PLD5: variants seen among roughly 807,000 people sequenced by gnomAD.
PLD5 encodes inactive phospholipase D5.
In PLD5, 36 loss-of-function variants were observed where a neutral mutation model predicts 61.1. That is an observed-to-expected ratio of 0.59 (90% confidence interval 0.45 to 0.78). The LOEUF (loss-of-function observed/expected upper bound fraction) is 0.78. Ranked by LOEUF, PLD5 falls within the 30% of genes least tolerant of loss-of-function variation. PLD5 has a pLI of 0.00. For missense variants in PLD5, 515 were observed against 644.4 expected, an observed-to-expected ratio of 0.80 and a Z score of 2.17; for synonymous variants, 243 against 242.8, an observed-to-expected ratio of 1.00 and a Z score of -0.01.
intron 1 of PLD5, among the ~76,000 whole-genome samples, chr1:242,453,632 A>G (rs1666856653): frequency 1.3e-5 from 2 of 152,140 alleles, no homozygotes; most frequent in Non-Finnish European, 2.9e-5. Flanking sequence ...GGTAGTCCCT[A>G]GAGATTGGAA....
At chr1:242,322,732 C>T (rs1420959704) in intron 2 of PLD5, among the ~76,000 whole-genome samples, 3 of 152,164 alleles carry the variant, frequency 2.0e-5, no homozygotes, top group Non-Finnish European at 4.4e-5. Flanking sequence ...TCTCCTGCTG[C>T]CATGTAAGAC....
At chr1:242,094,889 G>C (rs1216218242) in intron 9 of PLD5, among the ~76,000 whole-genome samples, 2 of 151,904 alleles carry the variant, frequency 1.3e-5, no homozygotes, top group African/African-American at 4.8e-5. Flanking sequence ...GTCAGTGCTG[G>C]AATTCAAATA....
chr1:242,239,443 A>G (rs1671852706), intron 4 of PLD5, among the ~76,000 whole-genome samples: 1 of 152,212 alleles, frequency 6.6e-6, no homozygotes, highest in Non-Finnish European at 1.5e-5. Flanking sequence ...GCTTTATTTT[A>G]TAACCATCGG....
chr1:242,451,683 C>T (rs1666784712), intron 1 of PLD5, among the ~76,000 whole-genome samples: 1 of 152,030 alleles, frequency 6.6e-6, no homozygotes, highest in Non-Finnish European at 1.5e-5. Flanking sequence ...TGGTCTCGAA[C>T]TCCTGAGCTC....
intron 5 of PLD5, among the ~76,000 whole-genome samples, chr1:242,179,098 T>C (rs1425740535): frequency 1.3e-5 from 2 of 152,220 alleles, no homozygotes; most frequent in African/African-American, 4.8e-5. Flanking sequence ...GAGCCACTCA[T>C]GCAGAGCAAT....
At chr1:242,426,429 T>C (rs1183472542) in intron 1 of PLD5, among the ~76,000 whole-genome samples, 2 of 152,242 alleles carry the variant, frequency 1.3e-5, no homozygotes, top group East Asian at 1.9e-4. Flanking sequence ...TCAAGTATTA[T>C]GCCCTGCATG....
intron 1 of PLD5, among the ~76,000 whole-genome samples, chr1:242,353,304 C>A (rs1660578566): frequency 6.6e-6 from 1 of 152,002 alleles, no homozygotes; most frequent in African/African-American, 2.4e-5. Flanking sequence ...TTCTTAGCAC[C>A]TTTGTCAAAA....
chr1:242,243,011 G>A (rs116929622), intron 4 of PLD5, among the ~76,000 whole-genome samples: 5 of 152,232 alleles, frequency 3.3e-5, no homozygotes, highest in East Asian at 3.9e-4. Context: ...GTAAGGAATC[G>A]ACATAAATGT....
At chr1:242,446,464 A>G (rs1666543528) in intron 1 of PLD5, among the ~76,000 whole-genome samples, 1 of 152,174 alleles carries the variant, frequency 6.6e-6, no homozygotes, top group Admixed American at 6.5e-5. Context: ...CCGGCTACTC[A>G]GGAGGCTGAG....
rs1306516105 is a variant in PLD5 at position 242,160,812 on chromosome 1, G to GAGAT, written c.736-36151_736-36148dup. 5.3e-5 allele frequency among the ~76,000 whole-genome samples: 8 copies of GAGAT among 152,046 alleles called. 1 individual carries two copies. Among genetic ancestry groups the GAGAT allele is most frequent in the Non-Finnish European group, 8.8e-5 (6 of 68,016 alleles). On this transcript the variant is annotated intron_variant, in intron 5 of 9. Coordinates refer to ENST00000536534, the MANE Select transcript of PLD5 (RefSeq NM_001372062.1). Reference sequence around the variant, plus strand: ...AGGCAGGAGAATTGCTTGAATCCGGGAGATGGAGGTTGCAGTGAGCTTTGA... The same window carrying GAGAT: ...AGGCAGGAGAATTGCTTGAATCCGGGAGATAGATGGAGGTTGCAGTGAGCTTTGA...
At chr1:242,470,358 GAAAGAAAGAAAGAAAGAAAGAAAAA>G (rs1428626659) in intron 1 of PLD5, among the ~76,000 whole-genome samples, 9 of 43,310 alleles carry the variant, frequency 2.1e-4, no homozygotes, top group African/African-American at 3.2e-4. Flanking sequence ...AAAAAAAAAA[GAAAGAAAGAAAGAAAGAAAGAAAAA>G]AAAGAAAGAA....
intron 1 of PLD5, among the ~76,000 whole-genome samples, chr1:242,482,191 G>A (rs1366150465): frequency 2.0e-5 from 3 of 152,218 alleles, no homozygotes; most frequent in African/African-American, 7.2e-5. Flanking sequence ...ACCAGCAACA[G>A]AACAAAGCTG....
At chr1:242,337,012 T>TA in intron 2 of PLD5, among the ~76,000 whole-genome samples, 1 of 152,228 alleles carries the variant, frequency 6.6e-6, no homozygotes, top group East Asian at 1.9e-4. Flanking sequence ...CAAGGCTGCT[T>TA]AAATGACCAA....
intron 1 of PLD5, among the ~76,000 whole-genome samples, chr1:242,511,761 T>TA (rs1189777946): frequency 2.0e-5 from 3 of 152,006 alleles, no homozygotes; most frequent in Admixed American, 2.0e-4. Context: ...TTGGATGAGA[T>TA]CCTGGAACAG....
intron 1 of PLD5, among the ~76,000 whole-genome samples, chr1:242,361,328 C>T (rs1253831343): frequency 6.6e-6 from 1 of 152,128 alleles, no homozygotes; most frequent in African/African-American, 2.4e-5. Context: ...CACTACTTTC[C>T]TTAGCCTCAT....
intron 5 of PLD5, among the ~76,000 whole-genome samples, chr1:242,197,134 C>T (rs1207034679): frequency 1.3e-5 from 2 of 152,078 alleles, no homozygotes; most frequent in Admixed American, 1.3e-4. Flanking sequence ...AGGCCGAGGC[C>T]AGGTAATGAG....
chr1:242,306,571 T>C (rs186719569), intron 2 of PLD5, among the ~76,000 whole-genome samples: 7 of 152,120 alleles, frequency 4.6e-5, no homozygotes, highest in Admixed American at 3.9e-4. Context: ...TCTAAGCTTG[T>C]CTGCCTGCAC....
In PLD5 at chr1:242,214,955, C is replaced by A. The variant is rs958597123; in HGVS notation, c.735+5033G>T. On this transcript the variant is annotated intron_variant, in intron 5 of 9. Transcript: ENST00000536534. ...GCAGTGGCGAGACCCTGGCTCACCA[C>A]AAGCTCTGCCTCCCGGGTTCACGCC... Among the ~76,000 whole-genome samples the A allele has an allele frequency of 2.8e-5, 4 of 145,198 alleles. No individual in the cohort carries two copies. The East Asian group carries it at 8.3e-4, about 30-fold the overall frequency.
chr1:242,224,159 A>G (rs1407984093), intron 4 of PLD5, among the ~76,000 whole-genome samples: 3 of 152,192 alleles, frequency 2.0e-5, no homozygotes, highest in African/African-American at 7.2e-5. Flanking sequence ...TAGAATTGCA[A>G]TTAGCAAAGA....
Sources: gnomAD v4.1 joint callset for allele counts (sites outside exome capture counted in the v4.1 genomes callset) on GRCh38, gnomAD v4.1.1 for gene constraint, MANE v1.5 for transcripts, NCBI Gene and HGNC (gene_info 2026-07-23, HGNC 2026-07-21) for gene names.